The following FREM3 variants were observed in gnomAD, a reference collection of about 807,000 sequenced individuals.
The protein encoded by FREM3 is FRAS1 related extracellular matrix 3.
Under a neutral mutation model 129.1 loss-of-function variants are expected in FREM3, and 105 were observed. The observed-to-expected ratio is 0.81, with a 90% confidence interval of 0.69 to 0.96. The LOEUF (loss-of-function observed/expected upper bound fraction) is 0.96, where lower values mean the gene tolerates loss of function less well. Ranked by LOEUF, FREM3 falls within the 40% of genes least tolerant of loss-of-function variation. The probability of loss-of-function intolerance (pLI) is 0.00; values close to 1 mark genes in which losing one functional copy is unlikely to be tolerated. For synonymous variants in FREM3, 1,014 were observed against 1,044.9 expected, an observed-to-expected ratio of 0.97 and a Z score of 0.57; for missense variants, 2,593 against 2,666.3, an observed-to-expected ratio of 0.97 and a Z score of 0.61.
chr4:143,695,212 C>T (rs1740542879), intron 1 of FREM3, among the ~76,000 whole-genome samples: 1 of 152,154 alleles, frequency 6.6e-6, no homozygotes, highest in South Asian at 2.1e-4. Flanking sequence ...TCTAATATTT[C>T]AGAAGCAGAA....
intron 5 of FREM3, among the ~76,000 whole-genome samples, chr4:143,614,919 T>G (rs1173143882): frequency 6.6e-6 from 1 of 152,202 alleles, no homozygotes; most frequent in East Asian, 1.9e-4. Flanking sequence ...ACTCTATCCA[T>G]GATGATGATG....
At chr4:143,666,899 T>TA (rs1272240629) in intron 2 of FREM3, among the ~76,000 whole-genome samples, 1 of 152,102 alleles carries the variant, frequency 6.6e-6, no homozygotes, top group Non-Finnish European at 1.5e-5. Flanking sequence ...TACCACAATG[T>TA]AAAAAAATGT....
Position 143,696,414 on chromosome 4 carries a change from T to C in FREM3, c.4262A>G (p.Asn1421Ser), listed in dbSNP as rs1328223144. Reference sequence around the variant, plus strand: ...TACCTCAGGGAAGACGCTGTCTAAGTTGCCAATGGTGACATAGAAGTAGTG... The same window carrying C: ...TACCTCAGGGAAGACGCTGTCTAAGCTGCCAATGGTGACATAGAAGTAGTG... ...TDHYFYVTIG[N>S]LDSVFPEVIS... The change falls in exon 1 of 8, where the codon AAC becomes AGC. Residue 1421 changes from asparagine to serine, a missense_variant. This residue lies in a region of FREM3 where 2,276 missense variants were observed against 2,267.2 expected (regional missense o/e 1.00). Transcript: ENST00000329798. 1.3e-6 allele frequency: 2 copies of C among 1,537,612 alleles called. No homozygotes were observed. The highest frequency in any genetic ancestry group is 1.7e-6 in the Non-Finnish European group (2 of 1,146,992).
intron 4 of FREM3, among the ~76,000 whole-genome samples, chr4:143,622,436 A>G (rs1449898974): frequency 7.1e-6 from 1 of 141,662 alleles, no homozygotes; most frequent in African/African-American, 2.6e-5. Flanking sequence ...TTTTGGAACT[A>G]TTACTAAATG....
At chr4:143,597,960 T>C (rs1738511133) in intron 6 of FREM3, among the ~76,000 whole-genome samples, 1 of 152,178 alleles carries the variant, frequency 6.6e-6, no homozygotes, top group Admixed American at 6.6e-5. Flanking sequence ...GTCCACCTTC[T>C]AGTTCATAGA....
At chr4:143,621,253 ACT>A (rs1356908613) in intron 4 of FREM3, 91 bp from the exon 5 acceptor site, 14 of 1,180,162 alleles carry the variant, frequency 1.2e-5, no homozygotes, top group Non-Finnish European at 1.2e-5. Context: ...AAAGCCTTTG[ACT>A]CTTATATTTT....
chr4:143,693,107 A>G lies in FREM3; in HGVS notation c.5275+6T>C. ...GAATCCTTTTGAAGGGTTTATTATG[A>G]CTTACCATTGTCTTCAACAGAGAAA... On this transcript the variant is annotated splice_donor_region_variant and intron_variant, in intron 2 of 7. Coordinates refer to ENST00000329798, the MANE Select transcript of FREM3 (RefSeq NM_001168235.2). 1.4e-6 allele frequency: 2 copies of G among 1,424,238 alleles called. No individual in the cohort carries two copies. Among genetic ancestry groups the G allele is most frequent in the Admixed American group, 2.2e-5 (1 of 44,530 alleles). 88.2% of individuals were successfully genotyped at this position (1,424,238 alleles called of 1,614,324 possible).
intron 5 of FREM3, among the ~76,000 whole-genome samples, chr4:143,615,384 C>T (rs530919708): frequency 1.3e-5 from 2 of 152,296 alleles, no homozygotes; most frequent in South Asian, 4.1e-4. Context: ...AGCAATCACC[C>T]TCTTTAAAGT....
chr4:143,659,092 ATT>A (rs1739654333), intron 2 of FREM3, among the ~76,000 whole-genome samples: 1 of 25,232 alleles, frequency 4.0e-5, no homozygotes, highest in South Asian at 1.5e-3. Flanking sequence ...ATTTTTATTT[ATT>A]ATTATTATTA....
intron 6 of FREM3, among the ~76,000 whole-genome samples, chr4:143,595,408 A>G (rs1189683264): frequency 6.6e-6 from 1 of 152,004 alleles, no homozygotes; most frequent in African/African-American, 2.4e-5. Flanking sequence ...TTTTTAAAAA[A>G]TATTTTTTAC....
intron 2 of FREM3, among the ~76,000 whole-genome samples, chr4:143,690,379 G>C (rs1275979103): frequency 6.6e-6 from 1 of 152,096 alleles, no homozygotes; most frequent in Non-Finnish European, 1.5e-5. Flanking sequence ...AGTAAAGTTG[G>C]AGCACTAGGG....
rs375360563 is a variant in FREM3 at position 143,626,025 on chromosome 4, A to G, written c.5422+1589T>C. Among the ~76,000 whole-genome samples, 180 of 152,206 alleles carry G rather than the reference A, an allele frequency of 1.2e-3. 1 individual carries two copies. The highest frequency in any genetic ancestry group is 4.1e-3 in the African/African-American group (170 of 41,532). ...ACAGAGCAGGAAGTCGAACTCCACC[A>G]TTTTGTTTCTTTTTTCTTCTGGATC... On this transcript the variant is annotated intron_variant, in intron 3 of 7. Coordinates refer to ENST00000329798, the MANE Select transcript of FREM3 (RefSeq NM_001168235.2).
At chr4:143,691,312 G>A (rs1351369172) in intron 2 of FREM3, among the ~76,000 whole-genome samples, 4 of 152,000 alleles carry the variant, frequency 2.6e-5, no homozygotes, top group Non-Finnish European at 5.9e-5. Context: ...CAGAGTGAGT[G>A]TATACTGCTC....
In FREM3 at chr4:143,697,797, A is replaced by C; in HGVS notation, c.2879T>G (p.Leu960Arg). 6.5e-7 allele frequency: 1 copy of C among 1,537,580 alleles called. No individual in the cohort carries two copies. The highest frequency in any genetic ancestry group is 8.7e-7 in the Non-Finnish European group (1 of 1,146,994). ...GGTAATTTCAGTGGCTTTATTCTCT[A>C]GTACGTCTATAGAAACATCCAATAA... is the stretch of plus-strand genomic sequence containing the variant. ...SSLLDVSIDV[L>R]ENKATEITMG... Residue 960 changes from leucine to arginine, a missense_variant, in exon 1 of 8, where the codon CTA (leucine) becomes CGA (arginine). Physicochemically the swap from Leu to Arg is moderately radical, Grantham distance 102. Coordinates refer to ENST00000329798, the MANE Select transcript of FREM3 (RefSeq NM_001168235.2).
chr4:143,678,624 G>T (rs1243766250), intron 2 of FREM3, among the ~76,000 whole-genome samples: 2 of 151,990 alleles, frequency 1.3e-5, no homozygotes, highest in African/African-American at 4.8e-5. Flanking sequence ...GAATGTTTTA[G>T]AGATTCAAAT....
intron 6 of FREM3, among the ~76,000 whole-genome samples, chr4:143,591,298 C>T (rs1738356417): frequency 6.6e-6 from 1 of 152,138 alleles, no homozygotes; most frequent in Non-Finnish European, 1.5e-5. Context: ...AATGTGTTTG[C>T]TCTTGCTTCT....
intron 2 of FREM3, among the ~76,000 whole-genome samples, chr4:143,692,897 G>T (rs548247388): frequency 9.9e-5 from 15 of 152,198 alleles, no homozygotes; most frequent in Admixed American, 6.5e-4. Context: ...ATTCCTCATT[G>T]CTTTTTCTTC....
At chr4:143,617,862 T>C (rs1738878604) in intron 5 of FREM3, among the ~76,000 whole-genome samples, 1 of 152,096 alleles carries the variant, frequency 6.6e-6, no homozygotes, top group Non-Finnish European at 1.5e-5. Context: ...CTACGGGGTG[T>C]GGTTGAGGCT....
chr4:143,658,619 A>G (rs1368887239), intron 2 of FREM3, among the ~76,000 whole-genome samples: 2 of 152,218 alleles, frequency 1.3e-5, no homozygotes, highest in African/African-American at 4.8e-5. Context: ...AAGCTTGTCC[A>G]ACCTGTGGCC....
Sources: gnomAD v4.1 joint callset for allele counts (sites outside exome capture counted in the v4.1 genomes callset) on GRCh38, gnomAD v4.1.1 for gene constraint, gnomAD v4.1.1 regional missense constraint, MANE v1.5 for transcripts, NCBI Gene and HGNC (gene_info 2026-07-23, HGNC 2026-07-21) for gene names.